Variants in SLC35F1 observed in about 807,000 individuals in gnomAD.
SLC35F1 encodes solute carrier family 35 member F1, also known as chromosome 6 open reading frame 169.
SLC35F1 carries 14 observed loss-of-function variants against 48.7 expected under a neutral mutation model. The observed-to-expected ratio is 0.29, with a 90% CI of 0.19 to 0.45. The LOEUF (loss-of-function observed/expected upper bound fraction) is 0.45, where lower values mean the gene tolerates loss of function less well. Among genes scored for constraint, SLC35F1 ranks in the 20% least tolerant of loss-of-function variants. The pLI is 1.00. For missense variants in SLC35F1, 404 were observed against 500.0 expected (o/e 0.81, Z 1.83); for synonymous variants, 190 against 202.2 (o/e 0.94, Z 0.51).
rs192344099 is a variant in SLC35F1, at chr6:118,243,583, A to G, written c.477+7947A>G. Among the ~76,000 whole-genome samples the G allele has an allele frequency of 3.3e-4, 50 of 152,364 alleles. No homozygotes were observed. The South Asian group carries it at 5.4e-3, about 16-fold the overall frequency. On this transcript the variant is annotated intron_variant, in intron 3 of 7. Coordinates refer to ENST00000360388, the MANE Select transcript of SLC35F1 (RefSeq NM_001029858.4). ...AGCGTGATGATAAAAGTCTGCAACC[A>G]GCTCCATGGAGACACAGGAGAAACA...
In SLC35F1 at chr6:118,269,895, G is replaced by A. The variant is rs1023397409; in HGVS notation, c.637+2741G>A. 1.2e-4 allele frequency among the ~76,000 whole-genome samples: 19 copies of A among 152,212 alleles called. No homozygotes were observed. The South Asian group carries it at 2.5e-3, about 20-fold the overall frequency. ...TACAGAAAAAATTAGCCAGCATGGT[G>A]GTGTGCACCTATAGTCCTGCCACTT... On this transcript the variant is annotated intron_variant, in intron 4 of 7. Coordinates refer to ENST00000360388, the MANE Select transcript of SLC35F1 (RefSeq NM_001029858.4).
chr6:117,999,326 C>A, intron 1 of SLC35F1: 3 of 1,595,638 alleles, frequency 1.9e-6, no homozygotes, highest in Non-Finnish European at 2.5e-6. Flanking sequence ...GGGGCTCAGG[C>A]TGTGCCGGCC....
chr6:118,250,597 G>C (rs1190662174), intron 3 of SLC35F1, among the ~76,000 whole-genome samples: 1 of 152,204 alleles, frequency 6.6e-6, no homozygotes, highest in Non-Finnish European at 1.5e-5. Flanking sequence ...AGGGCTTCCT[G>C]GAGGAAGCAC....
chr6:118,136,333 CAT>C (rs1158330378), intron 1 of SLC35F1, among the ~76,000 whole-genome samples: 8 of 152,298 alleles, frequency 5.3e-5, no homozygotes, highest in African/African-American at 1.4e-4. Context: ...GAGATAGAGA[CAT>C]AAAGTTGTCC....
chr6:117,965,353 A>G, intron 1 of SLC35F1, among the ~76,000 whole-genome samples: 1 of 152,178 alleles, frequency 6.6e-6, no homozygotes. Context: ...AAGTGGTAGG[A>G]GCAAACATTG....
intron 1 of SLC35F1, among the ~76,000 whole-genome samples, chr6:117,939,745 C>CT (rs911318762): frequency 9.3e-5 from 14 of 151,044 alleles, no homozygotes; most frequent in South Asian, 2.1e-4. Flanking sequence ...AAAGGTTATG[C>CT]TTTTTTTTTC....
At chr6:118,072,042 C>G (rs577294789) in intron 1 of SLC35F1, among the ~76,000 whole-genome samples, 2 of 152,248 alleles carry the variant, frequency 1.3e-5, no homozygotes, top group South Asian at 4.1e-4. Flanking sequence ...TTATATTATT[C>G]AGATGTTGGA....
chr6:118,222,384 G>T (rs1343687293), intron 2 of SLC35F1, among the ~76,000 whole-genome samples: 1 of 150,508 alleles, frequency 6.6e-6, no homozygotes, highest in East Asian at 1.9e-4. Context: ...ACAAAGACTT[G>T]ATCAAATTTA....
intron 1 of SLC35F1, among the ~76,000 whole-genome samples, chr6:118,135,743 G>A (rs1203057192): frequency 4.6e-5 from 7 of 152,156 alleles, no homozygotes; most frequent in African/African-American, 7.2e-5. Flanking sequence ...TCTGACACTC[G>A]CTACAATTAA....
intron 1 of SLC35F1, among the ~76,000 whole-genome samples, chr6:118,040,064 A>G (rs1194965767): frequency 2.0e-5 from 3 of 152,132 alleles, no homozygotes; most frequent in Non-Finnish European, 2.9e-5. Context: ...TCTGTCTCAC[A>G]TATGTGTATT....
chr6:118,094,726 G>A (rs1039126099), intron 1 of SLC35F1, among the ~76,000 whole-genome samples: 2 of 152,112 alleles, frequency 1.3e-5, no homozygotes, highest in African/African-American at 4.8e-5. Flanking sequence ...CCAGCACTTT[G>A]GGAGGGCGAG....
chr6:117,907,723 C>G lies in SLC35F1; in HGVS notation c.-4C>G, dbSNP rs1370005691. On this transcript the variant is annotated 5_prime_UTR_variant, in exon 1 of 8. Coordinates refer to ENST00000360388, the MANE Select transcript of SLC35F1 (RefSeq NM_001029858.4). ...ATCGCCGCCGCGCCTCAGCCTCTGCCGCGATGATCCCCCCTGAGCAGCCGC... is the reference window on the plus strand; with the variant it reads ...ATCGCCGCCGCGCCTCAGCCTCTGCGGCGATGATCCCCCCTGAGCAGCCGC... The G allele has an allele frequency of 2.0e-6, 3 of 1,512,566 alleles. No individual in the cohort carries two copies. Among genetic ancestry groups the G allele is most frequent in the Non-Finnish European group, 2.7e-6 (3 of 1,128,328 alleles). 93.7% of individuals were successfully genotyped at this position (1,512,566 alleles called of 1,614,324 possible). A position where few individuals can be genotyped will look rare whatever the true frequency, so the allele number is the denominator to read the frequency against.
At chr6:118,227,582 A>G (rs1433830189) in intron 2 of SLC35F1, among the ~76,000 whole-genome samples, 2 of 152,208 alleles carry the variant, frequency 1.3e-5, no homozygotes, top group African/African-American at 4.8e-5. Context: ...ATGATGATTC[A>G]TTGTATTTGC....
At position 118,119,546 on chromosome 6, in the gene SLC35F1, C is replaced by T. The variant is rs1019709556; in HGVS notation, c.174-34899C>T. ...TGAGACGGAGTTTCACTCTTGTCGCCCAGGCTGGAGTGTAATGGCGTATTT... is the reference window on the plus strand; with the variant it reads ...TGAGACGGAGTTTCACTCTTGTCGCTCAGGCTGGAGTGTAATGGCGTATTT... On this transcript the variant is annotated intron_variant, in intron 1 of 7. Transcript: ENST00000360388. 2.2e-5 allele frequency among the ~76,000 whole-genome samples: 3 copies of T among 134,778 alleles called. No individual in the cohort carries two copies. The Admixed American group carries it at 2.5e-4, about 11-fold the overall frequency. The allele number at this position is 134,778 out of a possible 152,430, so 88.4% of individuals were successfully genotyped here.
At chr6:117,988,799 G>A (rs533747112) in intron 1 of SLC35F1, among the ~76,000 whole-genome samples, 1 of 152,276 alleles carries the variant, frequency 6.6e-6, no homozygotes, top group Non-Finnish European at 1.5e-5. Flanking sequence ...GGGAGTTAGT[G>A]TTTATTGGGT....
intron 3 of SLC35F1, among the ~76,000 whole-genome samples, chr6:118,243,742 A>G (rs963596061): frequency 3.9e-5 from 6 of 152,112 alleles, no homozygotes; most frequent in Non-Finnish European, 8.8e-5. Context: ...GCCAGAGAGA[A>G]AGCTTGCCTA....
chr6:117,988,927 G>T (rs1776881964), intron 1 of SLC35F1, among the ~76,000 whole-genome samples: 2 of 152,146 alleles, frequency 1.3e-5, no homozygotes, highest in Non-Finnish European at 2.9e-5. Context: ...GGTTAAAATG[G>T]GCAAATTTTA....
intron 2 of SLC35F1, among the ~76,000 whole-genome samples, chr6:118,171,231 G>A (rs1774399637): frequency 6.6e-6 from 1 of 151,872 alleles, no homozygotes; most frequent in East Asian, 1.9e-4. Context: ...GAGACAGTGG[G>A]GTTTTGCCAT....
chr6:118,248,565 T>C (rs1316099331), intron 3 of SLC35F1, among the ~76,000 whole-genome samples: 4 of 151,994 alleles, frequency 2.6e-5, no homozygotes, highest in Non-Finnish European at 5.9e-5. Context: ...GCTTTGAAGA[T>C]GGAGAAAGGG....
Sources: gnomAD v4.1 joint callset for allele counts (sites outside exome capture counted in the v4.1 genomes callset) on GRCh38, gnomAD v4.1.1 for gene constraint, MANE v1.5 for transcripts, NCBI Gene and HGNC (gene_info 2026-07-23, HGNC 2026-07-21) for gene names.